Variants in DNAH9 observed in about 807,000 individuals in gnomAD.
DNAH9 encodes DNAH9 variant protein.
DNAH9 carries 345 observed loss-of-function variants against 471.6 expected under a neutral mutation model. The observed-to-expected ratio is 0.73, with a 90% CI of 0.67 to 0.80. The LOEUF (loss-of-function observed/expected upper bound fraction) is 0.80. DNAH9 is among the 30% of genes least tolerant of loss of function. The pLI is 0.00. For missense variants in DNAH9, 5,407 were observed against 5,609.2 expected (o/e 0.96, Z 1.15); for synonymous variants, 2,093 against 2,123.6 (o/e 0.99, Z 0.40).
chr17:11,640,867 A>G (rs2150685666), intron 10 of DNAH9, among the ~76,000 whole-genome samples: 1 of 152,194 alleles, frequency 6.6e-6, no homozygotes, highest in East Asian at 1.9e-4. Flanking sequence ...TGGGCTGTGA[A>G]TCTGCCCCTT....
chr17:11,756,810 TG>T, intron 34 of DNAH9, 134 bp downstream of exon 34: 1 of 650,518 alleles, frequency 1.5e-6, no homozygotes, highest in South Asian at 1.8e-5. Context: ...TTTGTGAATT[TG>T]GAAATGTTGT....
At position 11,827,418 on chromosome 17, in the gene DNAH9, A is replaced by G. The variant is rs543302087; in HGVS notation, c.9246+4384A>G. Among the ~76,000 whole-genome samples, 289 of 152,320 alleles carry G rather than the reference A, an allele frequency of 1.9e-3. 1 individual carries two copies. Among genetic ancestry groups the G allele is most frequent in the Non-Finnish European group, 3.7e-3 (251 of 68,028 alleles). On this transcript the variant is annotated intron_variant, in intron 48 of 68. Transcript: ENST00000262442. The stretch of plus-strand genomic sequence containing the variant: ...GGCGAAGGAGGACCAAGTATCTCAC[A>G]TGGTGAGAATGTGAGTAAGACCAAG...
intron 26 of DNAH9, among the ~76,000 whole-genome samples, chr17:11,716,745 C>G (rs1163469808): frequency 6.6e-6 from 1 of 152,194 alleles, no homozygotes; most frequent in Non-Finnish European, 1.5e-5. Flanking sequence ...AGAAAAGAGG[C>G]CTGTGATGCA....
intron 68 of DNAH9, among the ~76,000 whole-genome samples, chr17:11,966,676 T>C (rs1976752754): frequency 6.6e-6 from 1 of 152,162 alleles, no homozygotes; most frequent in Admixed American, 6.5e-5. Flanking sequence ...GATAGAAATG[T>C]ATAAAGATGT....
intron 17 of DNAH9, 52 bp from the exon 18 acceptor site, chr17:11,679,705 T>C: frequency 7.6e-7 from 1 of 1,323,410 alleles, no homozygotes; most frequent in Non-Finnish European, 1.1e-6. Flanking sequence ...TACATCTGCC[T>C]TTCGAGAAGT....
Position 11,821,861 on chromosome 17 carries a change from C to T in DNAH9, c.8708-59C>T. The T allele has an allele frequency of 1.9e-6, 3 of 1,561,822 alleles. No homozygotes were observed. The South Asian group carries it at 3.7e-5, about 19-fold the overall frequency. ...CCTAAGGTAGGATAACTTCCCATGT[C>T]TGATTGCATCATTTAACGAGATGCC... On this transcript the variant is annotated intron_variant, in intron 45 of 68. Transcript: ENST00000262442.
At chr17:11,703,333 A>C (rs2074636907) in intron 24 of DNAH9, among the ~76,000 whole-genome samples, 1 of 152,180 alleles carries the variant, frequency 6.6e-6, no homozygotes, top group Non-Finnish European at 1.5e-5. Context: ...GGACAAACAG[A>C]AATGGTGCTG....
chr17:11,799,469 C>T (rs910799767), intron 43 of DNAH9, among the ~76,000 whole-genome samples: 36 of 152,112 alleles, frequency 2.4e-4, no homozygotes, highest in Admixed American at 1.8e-3. Context: ...TGGGTTCAAG[C>T]GATTCTCCTT....
chr17:11,784,649 A>G, intron 41 of DNAH9, 110 bp downstream of exon 41: 1 of 1,474,096 alleles, frequency 6.8e-7, no homozygotes, highest in African/African-American at 1.4e-5. Flanking sequence ...AGGCAAAGCC[A>G]CTGTTCATAT....
chr17:11,826,774 T>G (rs1489923217), intron 48 of DNAH9, among the ~76,000 whole-genome samples: 4 of 151,522 alleles, frequency 2.6e-5, no homozygotes, highest in Admixed American at 6.6e-5. Context: ...TTCTGTATGT[T>G]TTCTAAATAT....
intron 1 of DNAH9, among the ~76,000 whole-genome samples, chr17:11,601,012 A>G (rs536904389): frequency 2.0e-5 from 3 of 152,290 alleles, no homozygotes; most frequent in South Asian, 2.1e-4. Context: ...TTCTGTTCCT[A>G]TGAACCTGAC....
Position 11,881,410 on chromosome 17 carries a change from G to A in DNAH9, c.10803G>A (p.Leu3601=), listed in dbSNP as rs1972717287. The A allele has an allele frequency of 6.2e-7, 1 of 1,612,200 alleles. No individual in the cohort carries two copies. Among genetic ancestry groups the A allele is most frequent in the Non-Finnish European group, 8.5e-7 (1 of 1,179,342 alleles). The change falls in exon 55 of 69, where the codon CTG becomes CTA. Residue 3601 remains leucine, a synonymous_variant. Transcript: ENST00000262442. ...VSMERPDLEQ[L]KSDLTKQQNG... Reference sequence around the variant, plus strand: ...TGGAGAGGCCAGACTTGGAGCAGCTGAAGGTGAGGACAGAAGGGAGAAAAT... The same window carrying A: ...TGGAGAGGCCAGACTTGGAGCAGCTAAAGGTGAGGACAGAAGGGAGAAAAT...
intron 49 of DNAH9, among the ~76,000 whole-genome samples, chr17:11,838,509 A>G (rs1383701133): frequency 6.6e-6 from 1 of 152,158 alleles, no homozygotes; most frequent in African/African-American, 2.4e-5. Context: ...AAAGATAAGT[A>G]TTTTACTAGA....
chr17:11,753,080 T>C lies in DNAH9; in HGVS notation c.6738+120T>C, dbSNP rs138233140. The C allele has an allele frequency of 2.1e-4, 166 of 801,366 alleles. No homozygotes were observed. The African/African-American group carries it at 2.1e-3, about 10-fold the overall frequency. The allele number at this position is 801,366 out of a possible 1,614,324, so 49.6% of individuals were successfully genotyped here. A position where few individuals can be genotyped will look rare whatever the true frequency, so the allele number is the denominator to read the frequency against. ...TGATGGCTGGCTCAGAGTAAGGAAC[T>C]ATCATCAGCATCTTCACCACACATC... On this transcript the variant is annotated intron_variant, in intron 33 of 68. Transcript: ENST00000262442.
chr17:11,697,179 A>T (rs1347888311), intron 22 of DNAH9, among the ~76,000 whole-genome samples: 1 of 152,106 alleles, frequency 6.6e-6, no homozygotes, highest in Non-Finnish European at 1.5e-5. Context: ...ATTTATTTTG[A>T]TTCATTTCTT....
At chr17:11,744,032 A>C (rs765282521) in intron 30 of DNAH9, among the ~76,000 whole-genome samples, 2 of 151,828 alleles carry the variant, frequency 1.3e-5, no homozygotes, top group Non-Finnish European at 2.9e-5. Context: ...GTTTCACCAT[A>C]TTGGCCAGGC....
intron 50 of DNAH9, among the ~76,000 whole-genome samples, chr17:11,855,749 A>G (rs1397532037): frequency 1.3e-5 from 2 of 152,198 alleles, no homozygotes; most frequent in East Asian, 3.8e-4. Flanking sequence ...ATAAAAATGC[A>G]TATTAACAAA....
chr17:11,756,008 G>A (rs144162710), intron 33 of DNAH9, among the ~76,000 whole-genome samples: 71 of 152,238 alleles, frequency 4.7e-4, no homozygotes, highest in African/African-American at 7.7e-4. Flanking sequence ...TCGACCTGGC[G>A]TGGTGGTTCA....
intron 43 of DNAH9, among the ~76,000 whole-genome samples, chr17:11,800,923 C>CAGAGAGGGAAGGGGAGT (rs1311857543): frequency 6.6e-6 from 1 of 152,084 alleles, no homozygotes; most frequent in Non-Finnish European, 1.5e-5. Flanking sequence ...CAGAGGAAAA[C>CAGAGAGGGAAGGGGAGT]AGAGAGGGAA....
Sources: gnomAD v4.1 joint callset for allele counts (sites outside exome capture counted in the v4.1 genomes callset) on GRCh38, gnomAD v4.1.1 for gene constraint, MANE v1.5 for transcripts, NCBI Gene and HGNC (gene_info 2026-07-23, HGNC 2026-07-21) for gene names.